NDUFAF2: variants seen among roughly 807,000 people sequenced by gnomAD.
NDUFAF2 encodes NADH dehydrogenase [ubiquinone] 1 alpha subcomplex assembly factor 2.
Under a neutral mutation model 22.8 loss-of-function variants are expected in NDUFAF2, and 13 were observed. The ratio of observed to expected loss-of-function variants is 0.57; its 90% confidence interval spans 0.37 to 0.91. The LOEUF (loss-of-function observed/expected upper bound fraction) is 0.91, where lower values mean the gene tolerates loss of function less well. NDUFAF2 is among the 40% of genes least tolerant of loss of function. NDUFAF2 has a pLI of 0.01. For synonymous variants in NDUFAF2, 53 were observed against 64.2 expected (o/e 0.83, Z 0.84); for missense variants, 162 against 195.2 (o/e 0.83, Z 1.01).
chr5:61,122,468 T>C (rs1752988142), intron 3 of NDUFAF2, among the ~76,000 whole-genome samples: 2 of 152,188 alleles, frequency 1.3e-5, no homozygotes, highest in Non-Finnish European at 2.9e-5. Context: ...GATGTGAATT[T>C]ATACAGAAAT....
chr5:61,037,017 T>A (rs1230298262), intron 1 of NDUFAF2, among the ~76,000 whole-genome samples: 3 of 152,092 alleles, frequency 2.0e-5, no homozygotes. Context: ...TGGCCAGTAT[T>A]ATTGAGGCCC....
intron 1 of NDUFAF2, among the ~76,000 whole-genome samples, chr5:61,041,738 A>C (rs1751885335): frequency 6.6e-6 from 1 of 152,216 alleles, no homozygotes; most frequent in African/African-American, 2.4e-5. Flanking sequence ...TCTACTAATA[A>C]GGAGAAAAGA....
chr5:61,008,753 T>C (rs1279031544), intron 1 of NDUFAF2, among the ~76,000 whole-genome samples: 1 of 152,104 alleles, frequency 6.6e-6, no homozygotes, highest in Non-Finnish European at 1.5e-5. Context: ...CATAGATCCT[T>C]CTCATTCCAA....
At chr5:61,071,234 A>G (rs1752295868) in intron 1 of NDUFAF2, among the ~76,000 whole-genome samples, 1 of 152,074 alleles carries the variant, frequency 6.6e-6, no homozygotes, top group African/African-American at 2.4e-5. Context: ...CCTACTGTAA[A>G]TTTATTGGGT....
chr5:61,120,491 C>T (rs908993631), intron 3 of NDUFAF2, among the ~76,000 whole-genome samples: 1 of 152,052 alleles, frequency 6.6e-6, no homozygotes, highest in Non-Finnish European at 1.5e-5. Context: ...TTCTTACATA[C>T]TTCTATACAA....
chr5:61,077,372 A>G (rs1429420220), intron 2 of NDUFAF2, among the ~76,000 whole-genome samples: 1 of 152,230 alleles, frequency 6.6e-6, no homozygotes, highest in Non-Finnish European at 1.5e-5. Flanking sequence ...ATCAAGGAGG[A>G]AGAAGTAATC....
At chr5:61,129,428 G>A (rs959238603) in intron 3 of NDUFAF2, among the ~76,000 whole-genome samples, 1 of 152,172 alleles carries the variant, frequency 6.6e-6, no homozygotes, top group Admixed American at 6.6e-5. Flanking sequence ...TTAAGAAAAT[G>A]TGGCACATAT....
chr5:60,946,148 C>T (rs1042049780), intron 1 of NDUFAF2, among the ~76,000 whole-genome samples: 2 of 152,094 alleles, frequency 1.3e-5, no homozygotes, highest in African/African-American at 4.8e-5. Flanking sequence ...CACTGTGTAG[C>T]CGCCGTCGTA....
At chr5:61,064,022 A>C (rs1260860865) in intron 1 of NDUFAF2, among the ~76,000 whole-genome samples, 3 of 152,160 alleles carry the variant, frequency 2.0e-5, no homozygotes, top group Non-Finnish European at 4.4e-5. Context: ...TTAAGGACAC[A>C]CATAAGCTGA....
intron 1 of NDUFAF2, among the ~76,000 whole-genome samples, chr5:61,046,864 C>T (rs1187982109): frequency 6.6e-6 from 1 of 152,116 alleles, no homozygotes; most frequent in Non-Finnish European, 1.5e-5. Flanking sequence ...TGAGGGACTC[C>T]CCATGCTTGG....
intron 3 of NDUFAF2, among the ~76,000 whole-genome samples, chr5:61,113,682 A>G (rs1026126903): frequency 1.1e-4 from 16 of 152,280 alleles, no homozygotes; most frequent in African/African-American, 3.8e-4. Context: ...CCCTTCCGGC[A>G]TGATTGTAAG....
At chr5:61,014,488 T>C (rs1417798161) in intron 1 of NDUFAF2, among the ~76,000 whole-genome samples, 1 of 152,174 alleles carries the variant, frequency 6.6e-6, no homozygotes, top group Non-Finnish European at 1.5e-5. Flanking sequence ...TTCTGTGAGC[T>C]GTGCTAGGAA....
chr5:60,954,302 A>G (rs1367560450), intron 1 of NDUFAF2, among the ~76,000 whole-genome samples: 1 of 152,164 alleles, frequency 6.6e-6, no homozygotes, highest in African/African-American at 2.4e-5. Context: ...GAACTCATAG[A>G]TATATAGAGA....
At chr5:60,994,218 C>T (rs530648375) in intron 1 of NDUFAF2, among the ~76,000 whole-genome samples, 6 of 152,358 alleles carry the variant, frequency 3.9e-5, no homozygotes, top group East Asian at 1.9e-4. Flanking sequence ...GCACTAGGAG[C>T]GGGAGCAGAC....
At chr5:60,950,463 G>T (rs1750529234) in intron 1 of NDUFAF2, among the ~76,000 whole-genome samples, 1 of 152,100 alleles carries the variant, frequency 6.6e-6, no homozygotes. Context: ...GGGATTACAG[G>T]CATGAGCCAC....
intron 1 of NDUFAF2, among the ~76,000 whole-genome samples, chr5:60,998,422 C>T (rs1751255300): frequency 6.6e-6 from 1 of 152,024 alleles, no homozygotes; most frequent in Non-Finnish European, 1.5e-5. Flanking sequence ...ACTATAGTAG[C>T]TTGATAACCT....
At chr5:60,947,156 T>C (rs1471884108) in intron 1 of NDUFAF2, among the ~76,000 whole-genome samples, 1 of 152,194 alleles carries the variant, frequency 6.6e-6, no homozygotes, top group Non-Finnish European at 1.5e-5. Flanking sequence ...ATTACTAAGT[T>C]GTGTGATCAA....
intron 3 of NDUFAF2, among the ~76,000 whole-genome samples, chr5:61,113,217 A>G (rs1161248720): frequency 6.6e-6 from 1 of 152,070 alleles, no homozygotes; most frequent in Non-Finnish European, 1.5e-5. Context: ...ACAATATTCT[A>G]TATTATTCTG....
intron 1 of NDUFAF2, among the ~76,000 whole-genome samples, chr5:61,056,412 A>G (rs1752090011): frequency 6.6e-6 from 1 of 152,236 alleles, no homozygotes; most frequent in Non-Finnish European, 1.5e-5. Flanking sequence ...GCAAAATGGA[A>G]TCAACTTTTC....
Sources: allele counts gnomAD v4.1 joint callset (sites outside exome capture counted in the v4.1 genomes callset), GRCh38; gene constraint gnomAD v4.1.1; transcripts MANE v1.5; gene names NCBI Gene and HGNC (gene_info 2026-07-23, HGNC 2026-07-21).